Variants in DNAH6 observed in about 807,000 individuals in gnomAD.
DNAH6 encodes the protein axonemal beta dynein heavy chain 6.
In DNAH6, 340 loss-of-function variants were observed where a neutral mutation model predicts 491.4. The ratio of observed to expected loss-of-function variants is 0.69; its 90% CI spans 0.63 to 0.76. The LOEUF is 0.76. Ranked by LOEUF, DNAH6 falls within the 30% of genes least tolerant of loss-of-function variation. The probability of loss-of-function intolerance (pLI) is 0.00; values close to 1 mark genes in which losing one functional copy is unlikely to be tolerated. For missense variants in DNAH6, 4,443 were observed against 4,972.2 expected (o/e 0.89, Z 3.20); for synonymous variants, 1,603 against 1,686.1 (o/e 0.95, Z 1.21).
At chr2:84,688,950 C>CA (rs1219491830) in intron 45 of DNAH6, among the ~76,000 whole-genome samples, 2 of 152,160 alleles carry the variant, frequency 1.3e-5, no homozygotes, top group Non-Finnish European at 2.9e-5. Flanking sequence ...AAAATTATAG[C>CA]AAAACAAGTT....
At chr2:84,793,630 G>A (rs573359570) in intron 68 of DNAH6, among the ~76,000 whole-genome samples, 2 of 152,238 alleles carry the variant, frequency 1.3e-5, no homozygotes, top group East Asian at 3.9e-4. Context: ...TATGTTCCAA[G>A]ATTTCCCAGA....
intron 60 of DNAH6, among the ~76,000 whole-genome samples, chr2:84,723,245 A>T (rs1698331026): frequency 6.6e-6 from 1 of 152,086 alleles, no homozygotes; most frequent in Admixed American, 6.5e-5. Context: ...ATAAAAAATA[A>T]AAAAGAGTGG....
At chr2:84,658,194 C>A in intron 35 of DNAH6, 98 bp from the exon 36 acceptor site, 2 of 805,026 alleles carry the variant, frequency 2.5e-6, no homozygotes, top group African/African-American at 1.8e-5. Flanking sequence ...CTAAAGGTCA[C>A]TGAATATATA....
rs1685555717 is a variant in DNAH6, at chr2:84,604,388, G to A, written c.2918G>A (p.Trp973Ter). 1.9e-6 allele frequency: 3 copies of A among 1,552,032 alleles called. No homozygotes were observed. In the African/African-American group the frequency reaches 4.1e-5, roughly 21 times the overall value. Reference protein sequence around the residue: ...LRNPTLKARHWAAIEQTVDAT... With the variant: ...LRNPTLKARH ...AACCCGACTTTGAAGGCAAGACATT[G>A]GGCAGCTATTGAACAAACAGTTGAT... The change falls in exon 19 of 77, where the codon TGG becomes TAG. Residue 973 changes from tryptophan to a stop codon, truncating the protein, a stop_gained. Coordinates refer to ENST00000389394, the MANE Select transcript of DNAH6 (RefSeq NM_001370.2). LOFTEE classifies it high-confidence loss of function.
chr2:84,757,444 A>G (rs1464084377), intron 63 of DNAH6, among the ~76,000 whole-genome samples: 6 of 152,236 alleles, frequency 3.9e-5, no homozygotes, highest in African/African-American at 7.2e-5. Context: ...GCTAAAGCTG[A>G]AGAACTGATC....
intron 62 of DNAH6, among the ~76,000 whole-genome samples, chr2:84,742,572 A>G (rs761201145): frequency 2.3e-4 from 35 of 152,288 alleles, no homozygotes; most frequent in Admixed American, 4.6e-4. Context: ...CAAAATGTCA[A>G]TATTAGTAAA....
At chr2:84,710,436 C>T (rs867962418) in intron 56 of DNAH6, 24 bp downstream of exon 56, 2 of 1,550,094 alleles carry the variant, frequency 1.3e-6, no homozygotes, top group Non-Finnish European at 1.7e-6. Flanking sequence ...TTCCTTTTCT[C>T]ATGTCAGTTC....
intron 13 of DNAH6, 54 bp from the exon 14 acceptor site, chr2:84,579,473 T>C (rs1466289659): frequency 3.8e-6 from 6 of 1,575,562 alleles, no homozygotes; most frequent in South Asian, 1.1e-5. Context: ...CTGAAATACA[T>C]AATAAAATGA....
chr2:84,498,266 T>C, the DNAH6 span, among the ~76,000 whole-genome samples: 1 of 152,208 alleles, frequency 6.6e-6, no homozygotes, highest in South Asian at 2.1e-4. Context: ...ATGACACTAA[T>C]AGAGTTCTCA....
chr2:84,558,244 A>C (rs557022561), intron 11 of DNAH6, among the ~76,000 whole-genome samples: 1 of 151,898 alleles, frequency 6.6e-6, no homozygotes, highest in African/African-American at 2.4e-5. Context: ...TGGCTAACAC[A>C]TTGAAACCCC....
chr2:84,588,907 C>G lies in DNAH6; in HGVS notation c.2563C>G (p.Leu855Val). 1 of 1,550,618 alleles carries G rather than the reference C, an allele frequency of 6.4e-7. No homozygotes were observed. The highest frequency in any genetic ancestry group is 8.7e-7 in the Non-Finnish European group (1 of 1,146,484). The change falls in exon 16 of 77, where the codon CTT (leucine) becomes GTT (valine). Residue 855 changes from leucine (L) to valine (V), a missense_variant. By Grantham distance (32) the Leu-to-Val change is conservative. Coordinates refer to ENST00000389394, the MANE Select transcript of DNAH6 (RefSeq NM_001370.2). ...TAATCTGCAATCTGTTCTGGCTGAT[C>G]TTCAGAAACGTGCATTTCAGTATAA... Reference protein sequence around the residue: ...LNNLQSVLADLQKRAFQYKSY... With the variant: ...LNNLQSVLADVQKRAFQYKSY...
rs61217837 is a variant in DNAH6 at position 84,683,412 on chromosome 2, ATTTTTTTTTTTTTTTTTT to A, written c.6916+1894_6917-1887del. Among the ~76,000 whole-genome samples, 3 of 93,920 alleles carry A rather than the reference ATTTTTTTTTTTTTTTTTT, an allele frequency of 3.2e-5. 1 individual carries two copies. Among genetic ancestry groups the A allele is most frequent in the Admixed American group, 2.4e-4 (2 of 8,304 alleles). The allele number at this position is 93,920 out of a possible 152,430, so 61.6% of individuals were successfully genotyped here. A position where few individuals can be genotyped will look rare whatever the true frequency, so the allele number is the denominator to read the frequency against. On this transcript the variant is annotated intron_variant, in intron 42 of 76. Transcript: ENST00000389394. ...GTGCCCTTTGTTCTACACCACTCTT[ATTTTTTTTTTTTTTTTTT>A]TTTTTTTTTGAGATAGAGTTTCACT... is the stretch of plus-strand genomic sequence containing the variant.
chr2:84,611,765 A>G lies in DNAH6; in HGVS notation c.3386A>G (p.Lys1129Arg). ...CAGAGGCAATTGCCTGCAGAGGCCA[A>G]GATGTTCCTTCAGGTGGATAAGTCA... ...DIQRQLPAEA[K>R]MFLQVDKSWK... The change falls in exon 22 of 77, where the codon AAG (lysine) becomes AGG (arginine). Residue 1129 changes from lysine to arginine, a missense_variant. Coordinates refer to ENST00000389394, the MANE Select transcript of DNAH6 (RefSeq NM_001370.2). The G allele has an allele frequency of 1.3e-6, 2 of 1,551,312 alleles. No homozygotes were observed. Among genetic ancestry groups the G allele is most frequent in the Non-Finnish European group, 1.7e-6 (2 of 1,146,698 alleles).
Position 84,583,999 on chromosome 2 carries a change from A to T in DNAH6, c.2230A>T (p.Ile744Phe), listed in dbSNP as rs757604386. 1.2e-6 allele frequency: 2 copies of T among 1,612,606 alleles called. No homozygotes were observed. Among genetic ancestry groups the T allele is most frequent in the South Asian group, 2.2e-5 (2 of 90,712 alleles). The change falls in exon 15 of 77, where the codon ATT (isoleucine) becomes TTT (phenylalanine). Residue 744 changes from isoleucine to phenylalanine, a missense_variant and splice_region_variant. This residue lies in a region of DNAH6 where 2,977 missense variants were observed against 3,296.6 expected (regional missense o/e 0.90). Coordinates refer to ENST00000389394, the MANE Select transcript of DNAH6 (RefSeq NM_001370.2). ...LLFLDEIQER[I>F]ESLEDEGNIV... ...ATGAGCAAACTATGTTTCCATTTAG[A>T]TTGAAAGCCTTGAAGATGAGGGGAA...
intron 70 of DNAH6, among the ~76,000 whole-genome samples, chr2:84,804,486 A>G (rs1679229945): frequency 6.6e-6 from 1 of 152,094 alleles, no homozygotes; most frequent in African/African-American, 2.4e-5. Flanking sequence ...AGTAAGCTAT[A>G]GTTTATTTAA....
chr2:84,628,373 A>C (rs1185139578), intron 29 of DNAH6, among the ~76,000 whole-genome samples: 6 of 152,084 alleles, frequency 3.9e-5, no homozygotes, highest in African/African-American at 1.4e-4. Flanking sequence ...TGTTTTCTCT[A>C]CCTGCTTTTT....
the DNAH6 span, among the ~76,000 whole-genome samples, chr2:84,467,571 AGTG>A: frequency 6.6e-6 from 1 of 152,174 alleles, no homozygotes; most frequent in East Asian, 1.9e-4. Flanking sequence ...TGAGAGTCAT[AGTG>A]GCATTTTATG....
intron 29 of DNAH6, among the ~76,000 whole-genome samples, chr2:84,625,369 C>T (rs1380876538): frequency 2.6e-5 from 4 of 151,914 alleles, no homozygotes; most frequent in Non-Finnish European, 4.4e-5. Flanking sequence ...GCAGGGAAAC[C>T]GAAGAACAAG....
the DNAH6 span, among the ~76,000 whole-genome samples, chr2:84,508,218 G>T: frequency 6.6e-6 from 1 of 152,196 alleles, no homozygotes; most frequent in Non-Finnish European, 1.5e-5. Context: ...TGGTTGGTAA[G>T]CTATTAATTA....
Sources: allele counts gnomAD v4.1 joint callset (sites outside exome capture counted in the v4.1 genomes callset), GRCh38; gene constraint gnomAD v4.1.1; regional missense constraint gnomAD v4.1.1; transcripts MANE v1.5; gene names NCBI Gene and HGNC (gene_info 2026-07-23, HGNC 2026-07-21).